The following ITGB8 variants were observed in gnomAD, a reference collection of about 807,000 sequenced individuals.
ITGB8 encodes the protein integrin subunit beta 8, also known as integrin beta-8.
Under a neutral mutation model 89.5 loss-of-function variants are expected in ITGB8, and 30 were observed. The ratio of observed to expected loss-of-function variants is 0.34; its 90% CI spans 0.25 to 0.45. The LOEUF is 0.45. Ranked by LOEUF, ITGB8 falls within the 20% of genes least tolerant of loss-of-function variation. The probability of loss-of-function intolerance (pLI) is 1.00; values close to 1 mark genes in which losing one functional copy is unlikely to be tolerated. For synonymous variants in ITGB8, 335 were observed against 320.4 expected, an observed-to-expected ratio of 1.05 and a Z score of -0.49; for missense variants, 836 against 933.3, an observed-to-expected ratio of 0.90 and a Z score of 1.36.
At chr7:20,340,075 G>A (rs1240407267) in intron 1 of ITGB8, among the ~76,000 whole-genome samples, 1 of 152,130 alleles carries the variant, frequency 6.6e-6, no homozygotes, top group Non-Finnish European at 1.5e-5. Context: ...AGCATATAGG[G>A]TCTTATAAAG....
chr7:20,355,127 G>A (rs930686748), intron 1 of ITGB8, among the ~76,000 whole-genome samples: 5 of 152,180 alleles, frequency 3.3e-5, no homozygotes. Flanking sequence ...ACATTGCTTA[G>A]AGATGCCTGG....
chr7:20,407,128 T>C (rs1787574211), intron 12 of ITGB8, among the ~76,000 whole-genome samples: 1 of 152,198 alleles, frequency 6.6e-6, no homozygotes, highest in Non-Finnish European at 1.5e-5. Context: ...TCTGGTTCAC[T>C]GAGGCCTTGA....
At chr7:20,333,613 C>T (rs1195512042) in intron 1 of ITGB8, among the ~76,000 whole-genome samples, 2 of 152,130 alleles carry the variant, frequency 1.3e-5, no homozygotes, top group Non-Finnish European at 2.9e-5. Context: ...AAACATTAGT[C>T]AGGCTCTTGT....
At chr7:20,330,053 G>A (rs932933305), upstream of ITGB8, among the ~76,000 whole-genome samples, 4 of 152,150 alleles carry the variant, frequency 2.6e-5, no homozygotes, top group Non-Finnish European at 4.4e-5. Flanking sequence ...CCGTTTACTG[G>A]GAAGGTGACG....
At chr7:20,403,421 G>T (rs770729566) in intron 10 of ITGB8, among the ~76,000 whole-genome samples, 65 of 152,170 alleles carry the variant, frequency 4.3e-4, no homozygotes, top group Non-Finnish European at 7.6e-4. Context: ...TTTTCTATAT[G>T]AGTATGATAC....
intron 3 of ITGB8, among the ~76,000 whole-genome samples, chr7:20,373,072 T>C (rs1360925666): frequency 1.3e-5 from 2 of 152,222 alleles, no homozygotes; most frequent in Non-Finnish European, 2.9e-5. Context: ...ATATTAATTT[T>C]GATTTATCAC....
rs143176145 is a variant in ITGB8 at position 20,409,727 on chromosome 7, T to C, written c.2136T>C (p.Asn712=). ...LIIRQVILQW[N]SNKIKSSSDY... ...TTAGACAGGTGATACTACAATGGAA[T>C]AGTAATAAAATTAAGTCCTCATCAG... is the stretch of plus-strand genomic sequence containing the variant. Residue 712 remains asparagine (N), a synonymous_variant, in exon 13 of 14, where the codon AAT becomes AAC. Transcript: ENST00000222573. 1.7e-4 allele frequency: 276 copies of C among 1,612,270 alleles called. No individual in the cohort carries two copies. The highest frequency in any genetic ancestry group is 8.2e-4 in the Middle Eastern group (5 of 6,072).
At chr7:20,378,238 T>A (rs1280078055) in intron 3 of ITGB8, among the ~76,000 whole-genome samples, 1 of 152,202 alleles carries the variant, frequency 6.6e-6, no homozygotes, top group African/African-American at 2.4e-5. Flanking sequence ...CTGCGGGGAC[T>A]ACCGACATTT....
chr7:20,405,358 C>T (rs1348651105), intron 11 of ITGB8, among the ~76,000 whole-genome samples: 2 of 149,800 alleles, frequency 1.3e-5, no homozygotes, highest in East Asian at 1.9e-4. Context: ...CTCGCTCTGT[C>T]ACCCGGCTGG....
At chr7:20,352,476 C>G (rs1015508585) in intron 1 of ITGB8, 6 of 152,180 alleles carry the variant, frequency 3.9e-5, no homozygotes, top group African/African-American at 9.7e-5. Context: ...AAATCAGTTT[C>G]AAACACAAAT....
At chr7:20,371,125 C>A (rs1004382828) in intron 3 of ITGB8, among the ~76,000 whole-genome samples, 1 of 151,584 alleles carries the variant, frequency 6.6e-6, no homozygotes, top group Admixed American at 6.6e-5. Flanking sequence ...TGTTAGTTTG[C>A]CAAAAAGAGA....
In ITGB8 at chr7:20,413,588, A is replaced by G. The variant is rs1489764824; in HGVS notation, c.*3591A>G. On this transcript the variant is annotated 3_prime_UTR_variant, in exon 14 of 14. Coordinates refer to ENST00000222573, the MANE Select transcript of ITGB8 (RefSeq NM_002214.3). ...GATTTCCTAAAGCTTCAAGCTTAAT[A>G]AGCCTAATAGTGAAAAATAACTGAA... 6.6e-6 allele frequency: 1 copy of G among 152,244 alleles called. No homozygotes were observed. The highest frequency in any genetic ancestry group is 1.5e-5 in the Non-Finnish European group (1 of 67,924). The allele number at this position is 152,244 out of a possible 1,614,324, so 9.4% of individuals were successfully genotyped here. A position where few individuals can be genotyped will look rare whatever the true frequency, so the allele number is the denominator to read the frequency against.
intron 3 of ITGB8, among the ~76,000 whole-genome samples, chr7:20,376,008 G>A (rs1016237039): frequency 3.3e-5 from 5 of 152,084 alleles, no homozygotes; most frequent in African/African-American, 1.2e-4. Flanking sequence ...TTGTCATGGG[G>A]CTTGTCCTAC....
At chr7:20,333,675 TTATGAATGGGCC>T (rs1456572125) in intron 1 of ITGB8, among the ~76,000 whole-genome samples, 1 of 152,198 alleles carries the variant, frequency 6.6e-6, no homozygotes, top group Non-Finnish European at 1.5e-5. Context: ...GAAGGAAATA[TTATGAATGGGCC>T]TACTTGCACC....
At chr7:20,332,132 C>A in intron 1 of ITGB8, 199 bp downstream of exon 1, 1 of 1,188,700 alleles carries the variant, frequency 8.4e-7, no homozygotes, top group Non-Finnish European at 1.1e-6. Flanking sequence ...GGAGCGACAG[C>A]AAGGACTAAT....
chr7:20,330,613 T>G (rs1031713314), upstream of ITGB8: 1 of 152,110 alleles, frequency 6.6e-6, no homozygotes, highest in African/African-American at 2.4e-5. Context: ...AGAGCTGGAG[T>G]GAGCAAAACA....
intron 4 of ITGB8, 119 bp from the exon 5 acceptor site, chr7:20,380,546 AG>A: frequency 1.3e-6 from 1 of 778,948 alleles, no homozygotes; most frequent in Non-Finnish European, 2.1e-6. Flanking sequence ...CGTCGTATAA[AG>A]TTTCCCTGGC....
In ITGB8 at chr7:20,372,307, T is replaced by A. The variant is rs186160871; in HGVS notation, c.388+5121T>A. Among the ~76,000 whole-genome samples the A allele has an allele frequency of 1.9e-4, 29 of 152,300 alleles. No homozygotes were observed. The South Asian group carries it at 2.3e-3, about 12-fold the overall frequency. On this transcript the variant is annotated intron_variant, in intron 3 of 13. Coordinates refer to ENST00000222573, the MANE Select transcript of ITGB8 (RefSeq NM_002214.3). ...TCCTTCTGAGACTATAAATGAACAG[T>A]TCAAAAGTTGGAAAATTGTTTCAGT...
chr7:20,396,896 A>C (rs3807949), intron 8 of ITGB8, among the ~76,000 whole-genome samples: 1 of 152,008 alleles, frequency 6.6e-6, no homozygotes, highest in African/African-American at 2.4e-5. Context: ...AACCGTAAAC[A>C]GTGGAAAAAT....
Sources: allele counts gnomAD v4.1 joint callset (sites outside exome capture counted in the v4.1 genomes callset), GRCh38; gene constraint gnomAD v4.1.1; transcripts MANE v1.5; gene names NCBI Gene and HGNC (gene_info 2026-07-23, HGNC 2026-07-21).